Variants in ARSD observed in about 807,000 individuals in gnomAD.
ARSD encodes the protein arylsulfatase D.
A neutral mutation model predicts 32.6 loss-of-function variants in ARSD; 21 were observed. The ratio of observed to expected loss-of-function variants is 0.64; its 90% CI spans 0.46 to 0.93. The LOEUF (loss-of-function observed/expected upper bound fraction) is 0.93. Among genes scored for constraint, ARSD ranks in the 40% least tolerant of loss-of-function variants. The pLI is 0.00. For synonymous variants in ARSD, 224 were observed against 237.4 expected (o/e 0.94, Z 0.52); for missense variants, 454 against 520.9 (o/e 0.87, Z 1.25).
At chrX:2,917,238 A>T (rs2088970625) in intron 5 of ARSD, among the ~76,000 whole-genome samples, 1 of 110,299 alleles carries the variant, frequency 9.1e-6, no homozygotes, top group Middle Eastern at 4.2e-3. Flanking sequence ...ATGCAAAAAA[A>T]AAAGTTTAAA....
At chrX:2,917,428 T>C (rs1047010118) in intron 5 of ARSD, among the ~76,000 whole-genome samples, 1 of 110,947 alleles carries the variant, frequency 9.0e-6, no homozygotes, top group Non-Finnish European at 1.9e-5. Flanking sequence ...ATAAGGGGAC[T>C]CTCAGATGCT....
intron 3 of ARSD, among the ~76,000 whole-genome samples, chrX:2,921,427 CATCT>C (rs1246735299): frequency 2.7e-5 from 3 of 112,088 alleles, no homozygotes; most frequent in Admixed American, 9.5e-5. Context: ...AGCTATCAAT[CATCT>C]ATCACGTCAT....
At position 2,921,844 on chromosome X, in the gene ARSD, G is replaced by A. The variant is rs771388265; in HGVS notation, c.316+59C>T. The A allele has an allele frequency of 1.7e-5, 20 of 1,165,911 alleles. No homozygotes were observed. In the East Asian group the frequency reaches 5.1e-4, roughly 30 times the overall value. ...TCACCATCAGTACTCAACTGTTACA[G>A]ATGACAGAATGAGTGCACACAGATG... On this transcript the variant is annotated intron_variant, in intron 3 of 9. Transcript: ENST00000381154.
chrX:2,914,779 T>C, intron 6 of ARSD: 1 of 1,025,237 alleles, frequency 9.8e-7, no homozygotes, highest in Non-Finnish European at 1.3e-6. Context: ...ACTGGCTGTG[T>C]AGAAGGTTGA....
At chrX:2,928,440 G>A (rs1247463881) in intron 1 of ARSD, among the ~76,000 whole-genome samples, 1 of 93,924 alleles carries the variant, frequency 1.1e-5, no homozygotes, top group African/African-American at 4.0e-5. Flanking sequence ...GGGGAAGGAC[G>A]GGGCGCGTCT....
At position 2,918,000 on chromosome X, in the gene ARSD, A is replaced by G. The variant is rs67272620; in HGVS notation, c.667T>C (p.Phe223Leu). The stretch of plus-strand genomic sequence containing the variant: ...GTGACTGCTCTCGCGGAGACAGAGA[A>G]GAAACCGCAGGTCTGGCCGGCAGCC... ...TLAAGQTCGF[F>L]SVSARAVTGM... Residue 223 changes from phenylalanine (F) to leucine (L), a missense_variant, in exon 5 of 10, where the codon TTC becomes CTC. Around this residue, in one of 3 missense-constraint regions of ARSD, gnomAD observed 271 missense variants for 301.0 expected, o/e 0.90. Transcript: ENST00000381154. The G allele has an allele frequency of 4.2e-4, 502 of 1,208,218 alleles. 5 individuals are homozygous for G. Among genetic ancestry groups the G allele is most frequent in the Middle Eastern group, 6.9e-4 (3 of 4,353 alleles).
intron 6 of ARSD, among the ~76,000 whole-genome samples, chrX:2,911,933 C>G (rs2088906090): frequency 9.0e-6 from 1 of 110,888 alleles, no homozygotes; most frequent in African/African-American, 3.3e-5. Context: ...CTCAGGAGTT[C>G]AAGACCAGCC....
chrX:2,919,608 A>G (rs1345899371), intron 4 of ARSD, among the ~76,000 whole-genome samples: 2 of 111,503 alleles, frequency 1.8e-5, no homozygotes, highest in African/African-American at 3.3e-5. Flanking sequence ...TCCAATGGAG[A>G]AGTCACACCA....
chrX:2,928,420 A>T (rs1383852141), intron 1 of ARSD, among the ~76,000 whole-genome samples: 2 of 39,874 alleles, frequency 5.0e-5, no homozygotes, highest in African/African-American at 1.0e-4. Flanking sequence ...GCTTGGGAGG[A>T]TGGGGTCTGG....
At chrX:2,916,732 G>C (rs1207407960) in intron 5 of ARSD, among the ~76,000 whole-genome samples, 2 of 110,859 alleles carry the variant, frequency 1.8e-5, no homozygotes, top group African/African-American at 6.6e-5. Flanking sequence ...GGCTGGGAAG[G>C]GTGAAGGACA....
chrX:2,914,204 A>C, intron 6 of ARSD: 10 of 756,320 alleles, frequency 1.3e-5, no homozygotes, highest in Non-Finnish European at 1.6e-5. Flanking sequence ...ATATGAGAGA[A>C]GTTTTTCTCC....
chrX:2,907,298 G>A lies in ARSD; in HGVS notation c.1755C>T (p.Cys585=). 3.3e-6 allele frequency: 4 copies of A among 1,210,501 alleles called. No individual in the cohort carries two copies. The highest frequency in any genetic ancestry group is 4.5e-6 in the Non-Finnish European group (4 of 894,793). The change falls in exon 10 of 10, where the codon TGC becomes TGT. Residue 585 remains cysteine (C), a synonymous_variant. Transcript: ENST00000381154. ...PCCGHFPFCS[C]HEDGDGTP ...AGGGGGTGCCATCCCCATCCTCGTG[G>A]CATGAACAGAACGGGAAATGTCCGC...
intron 3 of ARSD, among the ~76,000 whole-genome samples, chrX:2,921,166 G>A (rs771000222): frequency 1.5e-4 from 17 of 110,850 alleles, no homozygotes; most frequent in Non-Finnish European, 1.7e-4. Context: ...GATGACAGAC[G>A]CCATGTGATC....
intron 6 of ARSD, chrX:2,913,577 C>G (rs2088921222): frequency 1.0e-6 from 1 of 997,603 alleles, no homozygotes; most frequent in East Asian, 6.7e-5. Context: ...ATTTTAATAT[C>G]TACACTCTCT....
At chrX:2,928,023 T>C (rs67759363) in intron 1 of ARSD, among the ~76,000 whole-genome samples, 8,428 of 111,627 alleles carry the variant, frequency 0.076, 676 homozygotes, top group East Asian at 0.62. Context: ...TTCCTTCTTT[T>C]GTTGCTTCAT....
chrX:2,915,844 A>C, intron 5 of ARSD, 152 bp from the exon 6 acceptor site: 8 of 505,368 alleles, frequency 1.6e-5, no homozygotes, highest in Non-Finnish European at 2.5e-5. Flanking sequence ...GAAAGAATAA[A>C]TGGTGGGCCA....
intron 1 of ARSD, among the ~76,000 whole-genome samples, chrX:2,928,545 G>T: frequency 1.1e-5 from 1 of 93,513 alleles, no homozygotes; most frequent in Non-Finnish European, 2.1e-5. Flanking sequence ...GAGGCGGGGG[G>T]CGGGAAGGGG....
rs1279693361 is a variant in ARSD, at chrX:2,920,731, G to C, written c.317-8C>G. The C allele has an allele frequency of 1.7e-6, 2 of 1,208,857 alleles. No homozygotes were observed. Among genetic ancestry groups the C allele is most frequent in the Admixed American group, 4.4e-5 (2 of 45,721 alleles). ...CATTGCTGGCGTCCATGCCTGTGGG[G>C]CAGAGAAGACAGGAAGAATTTACTT... is the stretch of plus-strand genomic sequence containing the variant. On this transcript the variant is annotated splice_polypyrimidine_tract_variant and splice_region_variant and intron_variant, in intron 3 of 9. Transcript: ENST00000381154.
rs1277426620 is a variant in ARSD at position 2,929,217 on chromosome X, CG to C, written c.44+14del. On this transcript the variant is annotated intron_variant, in intron 1 of 9. Transcript: ENST00000381154. ...CTAGGCCTTAGTATGGGCCGCGTCC[CG>C]GGGTCCCAGGCACCTGGCGGCGGGC... The C allele has an allele frequency of 9.6e-7, 1 of 1,042,647 alleles. No homozygotes were observed. Among genetic ancestry groups the C allele is most frequent in the Non-Finnish European group, 1.2e-6 (1 of 819,070 alleles). The allele number at this position is 1,042,647 out of a possible 1,213,427, so 85.9% of individuals were successfully genotyped here.
Sources: allele counts gnomAD v4.1 joint callset (sites outside exome capture counted in the v4.1 genomes callset), GRCh38; gene constraint gnomAD v4.1.1; regional missense constraint gnomAD v4.1.1; transcripts MANE v1.5; gene names NCBI Gene and HGNC (gene_info 2026-07-23, HGNC 2026-07-21).